The following EIPR1 variants were observed in gnomAD, a reference collection of about 807,000 sequenced individuals.
The protein encoded by EIPR1 is EARP and GARP complex-interacting protein 1.
Under a neutral mutation model 48.1 loss-of-function variants are expected in EIPR1, and 25 were observed. That is an observed-to-expected ratio of 0.52 (90% CI 0.38 to 0.73). The LOEUF is 0.73. Ranked by LOEUF, EIPR1 falls within the 30% of genes least tolerant of loss-of-function variation. The probability of loss-of-function intolerance (pLI) is 0.00; values close to 1 mark genes in which losing one functional copy is unlikely to be tolerated. For missense variants in EIPR1, 415 were observed against 506.2 expected, an observed-to-expected ratio of 0.82 and a Z score of 1.73; for synonymous variants, 204 against 201.9, an observed-to-expected ratio of 1.01 and a Z score of -0.09.
At chr2:3,318,558 C>A (rs1298379810) in intron 3 of EIPR1, among the ~76,000 whole-genome samples, 1 of 152,270 alleles carries the variant, frequency 6.6e-6, no homozygotes, top group Middle Eastern at 3.4e-3. Flanking sequence ...ACACAGGAGT[C>A]GGCCTCGAAA....
intron 6 of EIPR1, among the ~76,000 whole-genome samples, chr2:3,195,824 G>A (rs1050801334): frequency 2.0e-5 from 3 of 152,186 alleles, no homozygotes; most frequent in East Asian, 1.9e-4. Flanking sequence ...TCTGTGCTGC[G>A]CTGGCACGTC....
intron 3 of EIPR1, among the ~76,000 whole-genome samples, chr2:3,299,135 C>A (rs1011194855): frequency 3.9e-5 from 6 of 152,238 alleles, no homozygotes; most frequent in Non-Finnish European, 8.8e-5. Flanking sequence ...AGGGTGAGTT[C>A]TGGACTTCAG....
chr2:3,223,302 A>G (rs1034546777), intron 4 of EIPR1, among the ~76,000 whole-genome samples: 7 of 151,872 alleles, frequency 4.6e-5, no homozygotes, highest in African/African-American at 1.7e-4. Context: ...CACTCCCCCC[A>G]CACATGCAAC....
Position 3,257,454 on chromosome 2 carries a change from A to C in EIPR1, c.261T>G (p.Thr87=). Residue 87 remains threonine, a splice_region_variant and synonymous_variant, in exon 4 of 9, where the codon ACT becomes ACG. Transcript: ENST00000382125. ...RGVLTTCYNR[T]SDSKVLTCAA... ...CACATGTCAGGACTTTGCTGTCTGA[A>C]GCTGAGCAACAGAGCATAATGGATA... is the stretch of plus-strand genomic sequence containing the variant. 1 of 1,614,154 alleles carries C rather than the reference A, an allele frequency of 6.2e-7. No individual in the cohort carries two copies.
intron 3 of EIPR1, among the ~76,000 whole-genome samples, chr2:3,267,923 G>A (rs1667541658): frequency 1.3e-5 from 2 of 152,244 alleles, no homozygotes; most frequent in Non-Finnish European, 2.9e-5. Context: ...CTCAGGTGCT[G>A]AAGGCGCCCT....
chr2:3,310,745 G>A (rs530885114), intron 3 of EIPR1, among the ~76,000 whole-genome samples: 87 of 149,692 alleles, frequency 5.8e-4, no homozygotes, highest in African/African-American at 2.0e-3. Context: ...TATATTTAAC[G>A]CAAGAATCTT....
chr2:3,284,630 G>A (rs940752358), intron 3 of EIPR1, among the ~76,000 whole-genome samples: 1 of 152,270 alleles, frequency 6.6e-6, no homozygotes, highest in Non-Finnish European at 1.5e-5. Flanking sequence ...CAAAGCAGAT[G>A]TTATTTCCAT....
At chr2:3,291,578 A>G (rs987819251) in intron 3 of EIPR1, among the ~76,000 whole-genome samples, 3 of 152,166 alleles carry the variant, frequency 2.0e-5, no homozygotes, top group African/African-American at 7.2e-5. Flanking sequence ...CCTCCTAAAA[A>G]ATTGGTTTTT....
At chr2:3,293,932 A>G (rs1668448768) in intron 3 of EIPR1, among the ~76,000 whole-genome samples, 1 of 152,188 alleles carries the variant, frequency 6.6e-6, no homozygotes. Flanking sequence ...CTTAAATTTA[A>G]TTAAATGGAA....
intron 5 of EIPR1, among the ~76,000 whole-genome samples, chr2:3,209,451 C>T (rs576301555): frequency 6.6e-6 from 1 of 152,296 alleles, no homozygotes; most frequent in Admixed American, 6.5e-5. Flanking sequence ...CCCCGCATGG[C>T]GAGGGTGCGT....
At chr2:3,255,635 T>C (rs1381911704) in intron 4 of EIPR1, among the ~76,000 whole-genome samples, 1 of 152,218 alleles carries the variant, frequency 6.6e-6, no homozygotes, top group African/African-American at 2.4e-5. Flanking sequence ...GACAGCTCCT[T>C]GTCCCCAGGC....
At chr2:3,200,304 C>T (rs1347602258) in intron 5 of EIPR1, among the ~76,000 whole-genome samples, 1 of 152,144 alleles carries the variant, frequency 6.6e-6, no homozygotes, top group East Asian at 1.9e-4. Flanking sequence ...CAGCCTGGCC[C>T]ACCACTTTCA....
chr2:3,318,732 C>A, intron 3 of EIPR1: 1 of 405,226 alleles, frequency 2.5e-6, no homozygotes, highest in South Asian at 1.8e-5. Flanking sequence ...AATCAGAGTT[C>A]TCCTCACACA....
chr2:3,198,072 C>A (rs1664872644), intron 5 of EIPR1, among the ~76,000 whole-genome samples: 1 of 152,266 alleles, frequency 6.6e-6, no homozygotes, highest in Non-Finnish European at 1.5e-5. Flanking sequence ...GAGGTCCCCA[C>A]AGAGTGAGTG....
chr2:3,248,040 C>T (rs986653576), intron 4 of EIPR1, among the ~76,000 whole-genome samples: 7 of 151,988 alleles, frequency 4.6e-5, no homozygotes, highest in South Asian at 4.2e-4. Flanking sequence ...GGAGGTGGGG[C>T]CTGGTGGGAG....
chr2:3,206,178 G>A lies in EIPR1; in HGVS notation c.516+7971C>T, dbSNP rs557800905. ...GGTGGCACACTTGGGCTCTCCTGGC[G>A]GGACACCCAGGCTCTTGTGGTGGGA... is the stretch of plus-strand genomic sequence containing the variant. On this transcript the variant is annotated intron_variant, in intron 5 of 8. Transcript: ENST00000382125. 6.6e-5 allele frequency among the ~76,000 whole-genome samples: 10 copies of A among 152,292 alleles called. No homozygotes were observed. The East Asian group carries it at 7.8e-4, about 12-fold the overall frequency.
chr2:3,236,009 GCAACAT>G (rs1317589458), intron 4 of EIPR1, among the ~76,000 whole-genome samples: 2 of 152,092 alleles, frequency 1.3e-5, no homozygotes, highest in African/African-American at 2.4e-5. Context: ...CACGGTAAGA[GCAACAT>G]CAACACCCGG....
rs118155577 is a variant in EIPR1, at chr2:3,326,152, C to T, written c.259+11865G>A. 2.0e-4 allele frequency among the ~76,000 whole-genome samples: 30 copies of T among 152,358 alleles called. No homozygotes were observed. The East Asian group carries it at 5.4e-3, about 27-fold the overall frequency. ...CTCTAGATGCTCAGAGCCCACTGCT[C>T]AGGACTGTTTGCACACATCCCTGGA... On this transcript the variant is annotated intron_variant, in intron 3 of 8. Coordinates refer to ENST00000382125, the MANE Select transcript of EIPR1 (RefSeq NM_003310.5).
chr2:3,342,535 G>C (rs574800936), intron 2 of EIPR1, among the ~76,000 whole-genome samples: 2 of 152,204 alleles, frequency 1.3e-5, no homozygotes, highest in Non-Finnish European at 2.9e-5. Context: ...CTGGCCCCTC[G>C]GCCTGGCTGC....
Sources: allele counts gnomAD v4.1 joint callset (sites outside exome capture counted in the v4.1 genomes callset), GRCh38; gene constraint gnomAD v4.1.1; transcripts MANE v1.5; gene names NCBI Gene and HGNC (gene_info 2026-07-23, HGNC 2026-07-21).